Variants in EPM2A observed in about 807,000 individuals in gnomAD.
The protein encoded by EPM2A is laforin.
In EPM2A, 21 loss-of-function variants were observed where a neutral mutation model predicts 26.5. The ratio of observed to expected loss-of-function variants is 0.79; its 90% CI spans 0.56 to 1.14. EPM2A has a LOEUF of 1.14. Among genes scored for constraint, EPM2A ranks in the 50% most tolerant of loss-of-function variants. The probability of loss-of-function intolerance (pLI) is 0.00; values close to 1 mark genes in which losing one functional copy is unlikely to be tolerated. For synonymous variants in EPM2A, 217 were observed against 177.6 expected (o/e 1.22, Z -1.76); for missense variants, 458 against 440.8 (o/e 1.04, Z -0.35).
intron 4 of EPM2A, among the ~76,000 whole-genome samples, chr6:145,389,192 A>G (rs923075923): frequency 4.0e-5 from 6 of 149,006 alleles, no homozygotes; most frequent in African/African-American, 1.5e-4. Context: ...CAAAGCATTC[A>G]TCATCTTTTT....
At chr6:145,464,975 G>T (rs1175400072) in intron 4 of EPM2A, among the ~76,000 whole-genome samples, 2 of 152,062 alleles carry the variant, frequency 1.3e-5, no homozygotes, top group East Asian at 1.9e-4. Context: ...TTCCCGAGGA[G>T]TATCTTTGTG....
chr6:145,567,826 C>CAT (rs1248266556), intron 2 of EPM2A, among the ~76,000 whole-genome samples: 2 of 152,220 alleles, frequency 1.3e-5, no homozygotes, highest in Admixed American at 1.3e-4. Flanking sequence ...ATCACTCTCT[C>CAT]AGAGTCTGAC....
At chr6:145,602,920 C>T (rs1483547937) in intron 2 of EPM2A, among the ~76,000 whole-genome samples, 1 of 152,158 alleles carries the variant, frequency 6.6e-6, no homozygotes, top group African/African-American at 2.4e-5. Context: ...GGAAGGAATC[C>T]ACGCAAGTCA....
At chr6:145,422,488 A>AC (rs397764517) in intron 4 of EPM2A, among the ~76,000 whole-genome samples, 2 of 150,626 alleles carry the variant, frequency 1.3e-5, no homozygotes, top group Non-Finnish European at 3.0e-5. Context: ...TAAAAAAAAA[A>AC]TCTGAAATAT....
chr6:145,518,616 A>C lies in EPM2A; in HGVS notation c.341-16041T>G, dbSNP rs951929549. Among the ~76,000 whole-genome samples the C allele has an allele frequency of 7.6e-3, 1,049 of 138,294 alleles. 12 individuals are homozygous for C. Among genetic ancestry groups the C allele is most frequent in the Non-Finnish European group, 0.01 (641 of 61,792 alleles). The allele number at this position is 138,294 out of a possible 152,430, so 90.7% of individuals were successfully genotyped here. On this transcript the variant is annotated intron_variant, in intron 2 of 3. Transcript: ENST00000450221. ...GCACCAAAAAAAAAAAAAAAAAAAA[A>C]AAAAAAACAAAGAGGTTTTGACATA...
intron 2 of EPM2A, among the ~76,000 whole-genome samples, chr6:145,609,375 G>A (rs939692607): frequency 2.0e-5 from 3 of 152,188 alleles, no homozygotes; most frequent in African/African-American, 7.2e-5. Context: ...ATTTTTGTCA[G>A]GTTTGTTTTA....
chr6:145,583,804 A>T (rs1032788003), intron 2 of EPM2A, among the ~76,000 whole-genome samples: 2 of 142,770 alleles, frequency 1.4e-5, no homozygotes, highest in African/African-American at 5.4e-5. Context: ...GGATGCCTGT[A>T]TCCGTGCACA....
chr6:145,682,209 G>A (rs1780592648), intron 2 of EPM2A, among the ~76,000 whole-genome samples: 1 of 152,108 alleles, frequency 6.6e-6, no homozygotes, highest in Non-Finnish European at 1.5e-5. Context: ...GAGAGCATGT[G>A]CAGGGAAACT....
chr6:145,432,519 A>C (rs929201327), intron 4 of EPM2A, among the ~76,000 whole-genome samples: 1 of 150,854 alleles, frequency 6.6e-6, no homozygotes, highest in African/African-American at 2.4e-5. Flanking sequence ...TTTTCTGAAC[A>C]GTAGTCTCAG....
rs550245669 is a variant in EPM2A, at chr6:145,477,197, TC to T, written c.555+25324del. Among the ~76,000 whole-genome samples the T allele has an allele frequency of 4.6e-5, 7 of 151,742 alleles. No homozygotes were observed. In the South Asian group the frequency reaches 1.5e-3, roughly 31 times the overall value. On this transcript the variant is annotated intron_variant, in intron 4 of 4. Coordinates refer to the EPM2A transcript ENST00000638717. Reference sequence around the variant, plus strand: ...TGATAATTGGAAAATGGACAAAGTCTCAGATATATGCAACCTACCAAGATTG... The same window carrying T: ...TGATAATTGGAAAATGGACAAAGTCTAGATATATGCAACCTACCAAGATTG...
At chr6:145,435,409 T>TTATATATATATA (rs3063952) in intron 4 of EPM2A, among the ~76,000 whole-genome samples, 1 of 126,598 alleles carries the variant, frequency 7.9e-6, no homozygotes, top group Non-Finnish European at 1.7e-5. Context: ...AGTGAAGAAT[T>TTATATATATATA]TATATATATA....
chr6:145,577,192 T>C (rs1196261929), intron 2 of EPM2A, among the ~76,000 whole-genome samples: 1 of 151,962 alleles, frequency 6.6e-6, no homozygotes, highest in East Asian at 1.9e-4. Flanking sequence ...AATAATAACA[T>C]TTCATGTAAA....
At chr6:145,397,028 A>G (rs1360542643) in intron 4 of EPM2A, among the ~76,000 whole-genome samples, 1 of 152,214 alleles carries the variant, frequency 6.6e-6, no homozygotes, top group East Asian at 1.9e-4. Flanking sequence ...ATTAAAAACC[A>G]TCTGGCAAAA....
At chr6:145,551,646 G>A (rs1215192770) in intron 2 of EPM2A, among the ~76,000 whole-genome samples, 2 of 151,946 alleles carry the variant, frequency 1.3e-5, no homozygotes, top group South Asian at 2.1e-4. Flanking sequence ...TTTTGAGTTG[G>A]TTGTGTCACT....
chr6:145,646,915 A>C (rs1777515523), intron 2 of EPM2A, among the ~76,000 whole-genome samples: 3 of 152,108 alleles, frequency 2.0e-5, no homozygotes, highest in Non-Finnish European at 4.4e-5. Flanking sequence ...CAGTCATGTA[A>C]GCCAGGAAAC....
intron 2 of EPM2A, among the ~76,000 whole-genome samples, chr6:145,612,868 T>C (rs1452053398): frequency 6.6e-6 from 1 of 151,946 alleles, no homozygotes; most frequent in Non-Finnish European, 1.5e-5. Context: ...CTTGCCTCAA[T>C]GTTGATGGCA....
intron 2 of EPM2A, among the ~76,000 whole-genome samples, chr6:145,598,785 T>C (rs1332379820): frequency 2.0e-5 from 3 of 152,156 alleles, no homozygotes; most frequent in South Asian, 2.1e-4. Flanking sequence ...TTTTTGAATA[T>C]GGTGTAGGGA....
At chr6:145,504,989 G>GC (rs1416009658) in intron 2 of EPM2A, among the ~76,000 whole-genome samples, 1 of 106,238 alleles carries the variant, frequency 9.4e-6, no homozygotes, top group East Asian at 3.0e-4. Flanking sequence ...GTAAACTATC[G>GC]CAAGAACAAA....
At chr6:145,685,947 C>G (rs894063045) in intron 2 of EPM2A, among the ~76,000 whole-genome samples, 175 bp downstream of exon 2, 1 of 152,204 alleles carries the variant, frequency 6.6e-6, no homozygotes, top group African/African-American at 2.4e-5. Context: ...TCCTCCACAT[C>G]TAGACCCAGA....
Sources: gnomAD v4.1 joint callset for allele counts (sites outside exome capture counted in the v4.1 genomes callset) on GRCh38, gnomAD v4.1.1 for gene constraint, MANE v1.5 for transcripts, NCBI Gene and HGNC (gene_info 2026-07-23, HGNC 2026-07-21) for gene names.